Variants in ERCC6L2 observed in about 807,000 individuals in gnomAD.
The protein encoded by ERCC6L2 is ERCC excision repair 6 like 2.
Under a neutral mutation model 132.0 loss-of-function variants are expected in ERCC6L2, and 77 were observed. That is an observed-to-expected ratio of 0.58 (90% CI 0.49 to 0.71). ERCC6L2 has a LOEUF of 0.71. Among genes scored for constraint, ERCC6L2 ranks in the 30% least tolerant of loss-of-function variants. ERCC6L2 has a pLI of 0.00. For synonymous variants in ERCC6L2, 583 were observed against 632.4 expected, an observed-to-expected ratio of 0.92 and a Z score of 1.17; for missense variants, 1,542 against 1,837.6, an observed-to-expected ratio of 0.84 and a Z score of 2.94.
In ERCC6L2 at chr9:95,875,851, CCCTTAGTCGCTA is replaced by C. The variant is rs1827220988; in HGVS notation, c.-183_-172del. ...GTCGCCCTCCCGTTCTGCTTGGGTCCCCTTAGTCGCTACCTTTGCTGGGATCCCCCTCCTCCA... is the reference window on the plus strand; with the variant it reads ...GTCGCCCTCCCGTTCTGCTTGGGTCCCCTTTGCTGGGATCCCCCTCCTCCA... On this transcript the variant is annotated 5_prime_UTR_variant, in exon 1 of 19. Transcript: ENST00000653738. The C allele has an allele frequency of 1.6e-6, 1 of 606,098 alleles. No individual in the cohort carries two copies. Among genetic ancestry groups the C allele is most frequent in the African/African-American group, 1.8e-5 (1 of 54,118 alleles). The allele number at this position is 606,098 out of a possible 1,614,324, so 37.5% of individuals were successfully genotyped here.
intron 2 of ERCC6L2, among the ~76,000 whole-genome samples, chr9:95,894,373 A>G (rs980288456): frequency 9.2e-5 from 14 of 152,092 alleles, no homozygotes; most frequent in African/African-American, 2.9e-4. Context: ...TACAAATTCA[A>G]CATGTATTGT....
intron 3 of ERCC6L2, among the ~76,000 whole-genome samples, chr9:95,899,600 ATGTG>A (rs56991965): frequency 6.8e-4 from 92 of 134,888 alleles, no homozygotes; most frequent in South Asian, 3.3e-3. Flanking sequence ...TTATATATAT[ATGTG>A]TGTGTGTGTG....
chr9:96,004,445 G>C (rs1588047200), intron 17 of ERCC6L2, 75 bp from the exon 18 acceptor site: 2 of 809,258 alleles, frequency 2.5e-6, no homozygotes, highest in Non-Finnish European at 3.6e-6. Flanking sequence ...TTGAGAAAAA[G>C]TAAGACATTC....
chr9:95,976,333 T>TG (rs1333335771), intron 16 of ERCC6L2, among the ~76,000 whole-genome samples: 1 of 152,178 alleles, frequency 6.6e-6, no homozygotes, highest in Non-Finnish European at 1.5e-5. Flanking sequence ...GTGGGAGCCC[T>TG]GGTGGGTCAG....
At chr9:95,932,567 A>C (rs952923060) in intron 11 of ERCC6L2, among the ~76,000 whole-genome samples, 1 of 152,034 alleles carries the variant, frequency 6.6e-6, no homozygotes, top group Non-Finnish European at 1.5e-5. Context: ...GAGTTTGAGG[A>C]AAATTGGAGT....
intron 11 of ERCC6L2, among the ~76,000 whole-genome samples, chr9:95,932,886 T>G (rs1273880955): frequency 6.6e-6 from 1 of 152,236 alleles, no homozygotes; most frequent in Admixed American, 6.5e-5. Context: ...AAATTTTTTT[T>G]GCTTAACAAG....
chr9:95,911,312 C>T (rs1829328814), intron 4 of ERCC6L2, among the ~76,000 whole-genome samples: 1 of 152,206 alleles, frequency 6.6e-6, no homozygotes, highest in African/African-American at 2.4e-5. Context: ...TCTTACCTGT[C>T]TGTCCCCTTA....
intron 13 of ERCC6L2, among the ~76,000 whole-genome samples, chr9:95,957,365 T>C (rs1831656947): frequency 1.3e-5 from 2 of 152,126 alleles, no homozygotes; most frequent in African/African-American, 4.8e-5. Context: ...ACACAGCAGT[T>C]TTTGTTTTGT....
At chr9:95,969,798 C>T (rs771794485) in intron 14 of ERCC6L2, among the ~76,000 whole-genome samples, 4 of 152,102 alleles carry the variant, frequency 2.6e-5, no homozygotes, top group Non-Finnish European at 5.9e-5. Flanking sequence ...CCCTGGATAC[C>T]AGGTGGCTGG....
intron 13 of ERCC6L2, among the ~76,000 whole-genome samples, chr9:95,960,079 C>A (rs1471643768): frequency 6.6e-6 from 1 of 152,064 alleles, no homozygotes; most frequent in East Asian, 1.9e-4. Flanking sequence ...GAGGTGTCTA[C>A]TGTCAAGTGA....
At chr9:96,035,990 A>C (rs914833798) in intron 19 of ERCC6L2, among the ~76,000 whole-genome samples, 1 of 152,230 alleles carries the variant, frequency 6.6e-6, no homozygotes, top group African/African-American at 2.4e-5. Context: ...ATAACCAGAC[A>C]AACACAATTT....
rs568783826 is a variant in ERCC6L2, at chr9:95,926,165, G to C, written c.1534-1914G>C. 2.6e-5 allele frequency among the ~76,000 whole-genome samples: 4 copies of C among 152,244 alleles called. No homozygotes were observed. In the South Asian group the frequency reaches 8.3e-4, roughly 32 times the overall value. On this transcript the variant is annotated intron_variant, in intron 9 of 18. Transcript: ENST00000653738. ...GAATGCAAAATGGTATAGTCACTTTGGAAGACAGTTCAGTGGTTTCTCACA... is the reference window on the plus strand; with the variant it reads ...GAATGCAAAATGGTATAGTCACTTTCGAAGACAGTTCAGTGGTTTCTCACA...
intron 9 of ERCC6L2, among the ~76,000 whole-genome samples, chr9:95,923,747 G>A (rs1829982385): frequency 1.3e-5 from 2 of 152,184 alleles, no homozygotes; most frequent in African/African-American, 4.8e-5. Flanking sequence ...AGGGGGGTAA[G>A]GAAAGGCCTT....
intron 14 of ERCC6L2, chr9:95,967,471 A>G (rs1832209288): frequency 6.6e-6 from 1 of 152,158 alleles, no homozygotes; most frequent in South Asian, 2.1e-4. Flanking sequence ...AGTACCATAA[A>G]GGCAGTTCAA....
intron 3 of ERCC6L2, among the ~76,000 whole-genome samples, chr9:95,898,548 G>A (rs893239188): frequency 3.9e-5 from 6 of 152,000 alleles, no homozygotes; most frequent in East Asian, 1.9e-4. Context: ...CTTCATAAAC[G>A]TATGTTTATA....
At chr9:95,897,765 C>G in intron 2 of ERCC6L2, 84 bp from the exon 3 acceptor site, 2 of 1,343,964 alleles carry the variant, frequency 1.5e-6, no homozygotes. Context: ...TACTTTGTCA[C>G]TAATTGAATA....
intron 19 of ERCC6L2, among the ~76,000 whole-genome samples, chr9:96,028,714 T>C (rs1353987369): frequency 6.6e-6 from 1 of 152,226 alleles, no homozygotes; most frequent in African/African-American, 2.4e-5. Context: ...GAGGAAGTTC[T>C]GTTTCTTGCA....
In ERCC6L2 at chr9:95,966,612, A is replaced by C; in HGVS notation, c.1998A>C (p.Glu666Asp). 1 of 1,534,844 alleles carries C rather than the reference A, an allele frequency of 6.5e-7. No individual in the cohort carries two copies. Among genetic ancestry groups the C allele is most frequent in the Non-Finnish European group, 8.9e-7 (1 of 1,124,636 alleles). ...VGSENAKRYFEAVQGSKEHQG... is the reference protein window; with the variant it reads ...VGSENAKRYFDAVQGSKEHQG... ...GTGAAAATGCCAAACGATATTTTGA[A>C]GCAGTTCAAGGATCTAAAGAGCATC... Residue 666 changes from glutamate (E) to aspartate (D), a missense_variant, in exon 14 of 19, where the codon GAA becomes GAC. Physicochemically the swap from Glu to Asp is conservative, Grantham distance 45. Coordinates refer to ENST00000653738, the MANE Select transcript of ERCC6L2 (RefSeq NM_020207.7).
intron 1 of ERCC6L2, 137 bp downstream of exon 1, chr9:95,876,221 C>A: frequency 1.4e-6 from 1 of 739,544 alleles, no homozygotes; most frequent in Non-Finnish European, 2.1e-6. Flanking sequence ...GTGAACCCCT[C>A]CAGGCCTGGA....
Sources: gnomAD v4.1 joint callset for allele counts (sites outside exome capture counted in the v4.1 genomes callset) on GRCh38, gnomAD v4.1.1 for gene constraint, MANE v1.5 for transcripts, NCBI Gene and HGNC (gene_info 2026-07-23, HGNC 2026-07-21) for gene names.